The following SECISBP2 variants were observed in gnomAD, a reference collection of about 807,000 sequenced individuals.
The protein encoded by SECISBP2 is SECIS binding protein 2.
A neutral mutation model predicts 98.2 loss-of-function variants in SECISBP2; 96 were observed. That is an observed-to-expected ratio of 0.98 (90% confidence interval 0.83 to 1.16). The LOEUF is 1.16. Ranked by LOEUF, SECISBP2 falls within the 50% of genes most tolerant of loss-of-function variation. The pLI, the probability that SECISBP2 is intolerant of heterozygous loss-of-function variation, is 0.00. For synonymous variants in SECISBP2, 407 were observed against 370.2 expected, an observed-to-expected ratio of 1.10 and a Z score of -1.14; for missense variants, 1,046 against 1,022.9, an observed-to-expected ratio of 1.02 and a Z score of -0.31.
chr9:89,338,973 T>C (rs562727021), intron 8 of SECISBP2, among the ~76,000 whole-genome samples: 2 of 152,256 alleles, frequency 1.3e-5, no homozygotes, highest in Non-Finnish European at 2.9e-5. Flanking sequence ...TGCTTCATTA[T>C]AGAGAGAAAT....
chr9:89,335,215 G>GAA (rs557569242), intron 7 of SECISBP2, among the ~76,000 whole-genome samples: 7 of 122,140 alleles, frequency 5.7e-5, no homozygotes. Flanking sequence ...GACGTCGTCT[G>GAA]AAAAAAAAAA....
downstream of SECISBP2, chr9:89,363,360 C>G (rs1314602758): frequency 1.3e-6 from 2 of 1,591,668 alleles, no homozygotes; most frequent in Non-Finnish European, 1.7e-6. Flanking sequence ...CTTGAAAGAT[C>G]CACTGGATGT....
chr9:89,325,125 G>A (rs1341955327), intron 2 of SECISBP2: 2 of 391,212 alleles, frequency 5.1e-6, no homozygotes, highest in Admixed American at 4.2e-5. Context: ...AGGGTTGCTG[G>A]GAGAGGCTTT....
At chr9:89,348,054 T>C (rs41287359) in intron 11 of SECISBP2, 25 bp from the exon 12 acceptor site, 299 of 1,592,118 alleles carry the variant, frequency 1.9e-4, no homozygotes, top group Admixed American at 3.9e-4. Flanking sequence ...ATTTAGGCAT[T>C]TTAATTGTTT....
intron 2 of SECISBP2, among the ~76,000 whole-genome samples, chr9:89,321,522 C>G (rs907981177): frequency 1.3e-5 from 2 of 152,046 alleles, no homozygotes; most frequent in Admixed American, 1.3e-4. Context: ...CAAAAATTAG[C>G]CGGGTGTGGT....
Position 89,328,635 on chromosome 9 carries a change from CTTACTT to C in SECISBP2, c.575-21_575-16del, listed in dbSNP as rs1399103222. On this transcript the variant is annotated intron_variant, in intron 4 of 16. Transcript: ENST00000375807. ...ATCAAACAGTAACTAAATTTTTACT[CTTACTT>C]TTAATTTTGTAATTACAGATGGTTA... 1.9e-6 allele frequency: 3 copies of C among 1,597,920 alleles called. No homozygotes were observed. Among genetic ancestry groups the C allele is most frequent in the East Asian group, 2.2e-5 (1 of 44,788 alleles).
chr9:89,347,321 A>G (rs1344762078), intron 11 of SECISBP2, among the ~76,000 whole-genome samples: 1 of 152,142 alleles, frequency 6.6e-6, no homozygotes, highest in Non-Finnish European at 1.5e-5. Context: ...AGAAAACCAG[A>G]AATGGGAGGA....
At chr9:89,347,465 C>CT (rs1184563393) in intron 11 of SECISBP2, among the ~76,000 whole-genome samples, 8,592 of 87,364 alleles carry the variant, frequency 0.098, 568 homozygotes, top group Non-Finnish European at 0.12. Flanking sequence ...CCGGTGAATT[C>CT]TTTTTTTTTT....
chr9:89,358,579 G>A (rs1359665762), intron 16 of SECISBP2, 142 bp from the exon 17 acceptor site: 8 of 718,510 alleles, frequency 1.1e-5, no homozygotes, highest in Non-Finnish European at 2.0e-5. Context: ...AACAGTGAGT[G>A]AATGTCTGCC....
At chr9:89,318,788 G>C in intron 1 of SECISBP2, 176 bp downstream of exon 1, 2 of 1,251,542 alleles carry the variant, frequency 1.6e-6, no homozygotes, top group African/African-American at 3.1e-5. Context: ...GGTCCGCCTT[G>C]GGGTGGCGGT....
At position 89,338,710 on chromosome 9, in the gene SECISBP2, A is replaced by G. The variant is rs1454991307; in HGVS notation, c.1212+130A>G. 7.3e-6 allele frequency: 7 copies of G among 958,760 alleles called. No individual in the cohort carries two copies. In the African/African-American group the frequency reaches 8.3e-5, roughly 11 times the overall value. The allele number at this position is 958,760 out of a possible 1,614,324, so 59.4% of individuals were successfully genotyped here. On this transcript the variant is annotated intron_variant, in intron 8 of 16. Transcript: ENST00000375807. ...TTTAATGATCATTTTTGTAGTGCTA[A>G]AGAAAACAGTAGCCACTCTTCTCAC...
chr9:89,363,271 C>CG (rs887094705), downstream of SECISBP2, among the ~76,000 whole-genome samples: 1 of 147,690 alleles, frequency 6.8e-6, no homozygotes, highest in African/African-American at 2.4e-5. Flanking sequence ...GGGATTTCCC[C>CG]CCCCAGTGTT....
chr9:89,348,823 C>G (rs1185305614), intron 12 of SECISBP2, among the ~76,000 whole-genome samples: 1 of 152,256 alleles, frequency 6.6e-6, no homozygotes, highest in Admixed American at 6.5e-5. Flanking sequence ...CTCTTTGTCC[C>G]CTTTCCTTCA....
Position 89,349,199 on chromosome 9 carries a change from G to A in SECISBP2, c.1739-577G>A, listed in dbSNP as rs139357892. Among the ~76,000 whole-genome samples, 502 of 152,242 alleles carry A rather than the reference G, an allele frequency of 3.3e-3. 5 individuals are homozygous for A. Among genetic ancestry groups the A allele is most frequent in the African/African-American group, 0.011 (455 of 41,530 alleles). ...TATATGTTTTTTCATTCCTTCATTT[G>A]GTGATCTGTTACTGCAATTGCATTT... On this transcript the variant is annotated intron_variant, in intron 12 of 16. Transcript: ENST00000375807.
chr9:89,329,408 C>T (rs9802882), intron 5 of SECISBP2: 4,048 of 160,232 alleles, frequency 0.025, 327 homozygotes, highest in East Asian at 0.2. Flanking sequence ...GAGCCACCCA[C>T]GCCACTGTGC....
At chr9:89,332,761 C>T (rs1213624072) in intron 5 of SECISBP2, 147 bp from the exon 6 acceptor site, 8 of 697,220 alleles carry the variant, frequency 1.1e-5, no homozygotes, top group African/African-American at 8.9e-5. Flanking sequence ...TATTAAATAT[C>T]TCCCAAAGTG....
At chr9:89,361,649 C>T (rs1319028388), downstream of SECISBP2, 1 of 152,178 alleles carries the variant, frequency 6.6e-6, no homozygotes, top group African/African-American at 2.4e-5. Context: ...CATAATTGAC[C>T]TATTTGGCTT....
chr9:89,365,888 C>T, the SECISBP2 span, among the ~76,000 whole-genome samples: 1 of 152,292 alleles, frequency 6.6e-6, no homozygotes, highest in Admixed American at 6.5e-5. Context: ...AATGCATTTT[C>T]CCTGCTTTAC....
At chr9:89,366,818 C>A in the SECISBP2 span, among the ~76,000 whole-genome samples, 2 of 152,156 alleles carry the variant, frequency 1.3e-5, no homozygotes, top group South Asian at 4.1e-4. Flanking sequence ...AGCCCGGTCT[C>A]CTCCCTCATG....
Sources: gnomAD v4.1 joint callset for allele counts (sites outside exome capture counted in the v4.1 genomes callset) on GRCh38, gnomAD v4.1.1 for gene constraint, MANE v1.5 for transcripts, NCBI Gene and HGNC (gene_info 2026-07-23, HGNC 2026-07-21) for gene names.